Variants in GPM6A observed in about 807,000 individuals in gnomAD.
GPM6A encodes the protein glycoprotein M6A.
In GPM6A, 7 loss-of-function variants were observed where a neutral mutation model predicts 32.1. That is an observed-to-expected ratio of 0.22 (90% CI 0.12 to 0.41). The LOEUF (loss-of-function observed/expected upper bound fraction) is 0.41, where lower values mean the gene tolerates loss of function less well. Ranked by LOEUF, GPM6A falls within the 10% of genes least tolerant of loss-of-function variation. GPM6A has a pLI of 1.00. For missense variants in GPM6A, 235 were observed against 347.2 expected, an observed-to-expected ratio of 0.68 and a Z score of 2.57; for synonymous variants, 130 against 123.4, an observed-to-expected ratio of 1.05 and a Z score of -0.35.
chr4:175,752,988 A>C (rs983102304), intron 1 of GPM6A, among the ~76,000 whole-genome samples: 1 of 152,160 alleles, frequency 6.6e-6, no homozygotes, highest in Non-Finnish European at 1.5e-5. Context: ...CATTTAATCA[A>C]TTCCATTAGT....
intron 3 of GPM6A, among the ~76,000 whole-genome samples, chr4:175,656,356 C>T (rs528307343): frequency 1.8e-4 from 27 of 152,248 alleles, no homozygotes; most frequent in African/African-American, 6.3e-4. Context: ...GCAAAACAAG[C>T]ATCCTCCTAC....
chr4:175,779,288 A>T (rs1373819269), intron 1 of GPM6A, among the ~76,000 whole-genome samples: 1 of 152,288 alleles, frequency 6.6e-6, no homozygotes, highest in Non-Finnish European at 1.5e-5. Context: ...CAATAAAAAT[A>T]TTTTAAAACT....
chr4:175,780,960 G>A (rs1008918193), intron 1 of GPM6A, among the ~76,000 whole-genome samples: 1 of 152,050 alleles, frequency 6.6e-6, no homozygotes, highest in African/African-American at 2.4e-5. Context: ...AGATAAACTT[G>A]TGGTGGAGGA....
At chr4:175,752,927 GACA>G (rs757145859) in intron 1 of GPM6A, among the ~76,000 whole-genome samples, 6 of 152,156 alleles carry the variant, frequency 3.9e-5, no homozygotes, top group African/African-American at 7.2e-5. Flanking sequence ...CGTCATGCTT[GACA>G]ACGTGTGAAC....
intron 1 of GPM6A, among the ~76,000 whole-genome samples, chr4:175,773,544 T>C (rs1733274045): frequency 6.6e-6 from 1 of 152,080 alleles, no homozygotes; most frequent in Admixed American, 6.6e-5. Context: ...TTAAAAATAA[T>C]AAGAATAATG....
chr4:175,642,221 G>A (rs568058052), intron 4 of GPM6A: 1 of 152,146 alleles, frequency 6.6e-6, no homozygotes, highest in South Asian at 2.1e-4. Context: ...ATTTAAAAGG[G>A]TTCTCTCATG....
chr4:175,720,665 A>G (rs1253438243), intron 1 of GPM6A, among the ~76,000 whole-genome samples: 1 of 152,064 alleles, frequency 6.6e-6, no homozygotes, highest in African/African-American at 2.4e-5. Flanking sequence ...TTCTACTTCT[A>G]TTTTCTGATG....
At chr4:175,999,283 C>G (rs1741404062) in intron 1 of GPM6A, among the ~76,000 whole-genome samples, 1 of 152,088 alleles carries the variant, frequency 6.6e-6, no homozygotes, top group Non-Finnish European at 1.5e-5. Context: ...CCTGAAATTC[C>G]ACAATTAGAG....
intron 1 of GPM6A, among the ~76,000 whole-genome samples, chr4:175,735,636 T>C (rs1047761264): frequency 6.6e-6 from 1 of 152,184 alleles, no homozygotes; most frequent in African/African-American, 2.4e-5. Context: ...CTCAGCTCAT[T>C]GCAACCTCCG....
At chr4:175,980,678 T>C (rs906258676) in intron 1 of GPM6A, among the ~76,000 whole-genome samples, 1 of 152,176 alleles carries the variant, frequency 6.6e-6, no homozygotes, top group Non-Finnish European at 1.5e-5. Flanking sequence ...TGAAAGTATG[T>C]TTCTCAAATT....
intron 1 of GPM6A, among the ~76,000 whole-genome samples, chr4:175,809,179 C>G (rs933064288): frequency 1.3e-5 from 2 of 152,134 alleles, no homozygotes; most frequent in Admixed American, 1.3e-4. Flanking sequence ...GTTCTAGAAA[C>G]AGTTGCATGG....
At chr4:175,812,597 T>C (rs1328852670), upstream of GPM6A, 1 of 1,010,004 alleles carries the variant, frequency 9.9e-7, no homozygotes, top group Non-Finnish European at 1.2e-6. Flanking sequence ...GATTCACAAG[T>C]CTTGCTTTGC....
intron 1 of GPM6A, among the ~76,000 whole-genome samples, chr4:175,703,666 T>C (rs894274376): frequency 6.6e-6 from 1 of 152,242 alleles, no homozygotes; most frequent in African/African-American, 2.4e-5. Flanking sequence ...TCCTAGGCTA[T>C]TGCTAGATAT....
At chr4:175,747,909 CCTG>C (rs71595491) in intron 1 of GPM6A, among the ~76,000 whole-genome samples, 32,797 of 151,972 alleles carry the variant, frequency 0.22, 3,793 homozygotes, top group East Asian at 0.25. Flanking sequence ...CCTCTCAAAC[CCTG>C]CTGCTACTTT....
intron 1 of GPM6A, among the ~76,000 whole-genome samples, chr4:175,750,661 CT>C (rs1732297534): frequency 6.6e-6 from 1 of 151,700 alleles, no homozygotes; most frequent in Non-Finnish European, 1.5e-5. Context: ...CAACCTCCAC[CT>C]CCCGGGTTCA....
intron 2 of GPM6A, among the ~76,000 whole-genome samples, chr4:175,675,508 T>C (rs1049800291): frequency 8.5e-5 from 13 of 152,296 alleles, no homozygotes; most frequent in African/African-American, 3.1e-4. Context: ...GTTAAATATT[T>C]CCTTGAGACT....
At chr4:175,898,135 A>G (rs1400069121) in intron 1 of GPM6A, among the ~76,000 whole-genome samples, 1 of 152,142 alleles carries the variant, frequency 6.6e-6, no homozygotes, top group African/African-American at 2.4e-5. Flanking sequence ...TTACCCCTTA[A>G]ACCAGTGCAA....
At chr4:175,833,519 A>G (rs1265816834) in intron 1 of GPM6A, among the ~76,000 whole-genome samples, 4 of 152,194 alleles carry the variant, frequency 2.6e-5, no homozygotes, top group Non-Finnish European at 5.9e-5. Flanking sequence ...GATAACAGGT[A>G]ACTTCTTTGG....
In GPM6A at chr4:175,950,706, C is replaced by T. The variant is rs1462381042; in HGVS notation, c.-23+51603G>A. Among the ~76,000 whole-genome samples, 25 of 152,116 alleles carry T rather than the reference C, an allele frequency of 1.6e-4. 1 individual carries two copies. The highest frequency in any genetic ancestry group is 1.2e-3 in the Admixed American group (18 of 15,252). ...GCAGGGGAAATGAGGGGACAAAGTC[C>T]TCACTTACATTTAGAGAAATGTATT... On this transcript the variant is annotated intron_variant, in intron 1 of 7. Coordinates refer to the GPM6A transcript ENST00000280187.
Sources: allele counts gnomAD v4.1 joint callset (sites outside exome capture counted in the v4.1 genomes callset), GRCh38; gene constraint gnomAD v4.1.1; transcripts MANE v1.5; gene names NCBI Gene and HGNC (gene_info 2026-07-23, HGNC 2026-07-21).